TRAPPC8: variants seen among roughly 807,000 people sequenced by gnomAD.
The protein encoded by TRAPPC8 is general sporulation gene 1 homolog.
A neutral mutation model predicts 174.3 loss-of-function variants in TRAPPC8; 54 were observed. That is an observed-to-expected ratio of 0.31 (90% CI 0.25 to 0.39). The LOEUF is 0.39. Among genes scored for constraint, TRAPPC8 ranks in the 10% least tolerant of loss-of-function variants. The pLI is 1.00. For synonymous variants in TRAPPC8, 630 were observed against 579.9 expected, an observed-to-expected ratio of 1.09 and a Z score of -1.24; for missense variants, 1,531 against 1,699.1, an observed-to-expected ratio of 0.90 and a Z score of 1.74.
intron 12 of TRAPPC8, among the ~76,000 whole-genome samples, chr18:31,885,003 G>A (rs1174470380): frequency 5.3e-5 from 8 of 151,662 alleles, no homozygotes; most frequent in Non-Finnish European, 7.4e-5. Context: ...ATAGGCACCC[G>A]CCACCACGCC....
chr18:31,937,148 A>G (rs2038141689), intron 1 of TRAPPC8, among the ~76,000 whole-genome samples: 1 of 152,100 alleles, frequency 6.6e-6, no homozygotes, highest in African/African-American at 2.4e-5. Flanking sequence ...CAGGAGGCGG[A>G]GCTTGCAGTG....
chr18:31,857,518 T>G (rs773973277), intron 20 of TRAPPC8, 22 bp downstream of exon 20: 4 of 1,531,970 alleles, frequency 2.6e-6, no homozygotes, highest in African/African-American at 2.8e-5. Context: ...ATGTTAAATT[T>G]TATAAGTTTT....
intron 26 of TRAPPC8, among the ~76,000 whole-genome samples, chr18:31,839,710 T>G (rs1056097591): frequency 6.6e-6 from 1 of 152,210 alleles, no homozygotes; most frequent in Non-Finnish European, 1.5e-5. Context: ...TAGCTTTACA[T>G]ATTAGCTCTG....
intron 2 of TRAPPC8, among the ~76,000 whole-genome samples, chr18:31,930,596 G>GA (rs1839254145): frequency 6.6e-6 from 1 of 151,910 alleles, no homozygotes; most frequent in South Asian, 2.1e-4. Flanking sequence ...TTTAATATTG[G>GA]AAAACAGTTA....
intron 1 of TRAPPC8, among the ~76,000 whole-genome samples, chr18:31,939,144 G>GC (rs76730864): frequency 0.26 from 38,363 of 147,536 alleles, 5,450 homozygotes; most frequent in South Asian, 0.52. Flanking sequence ...ACAAAAAGTA[G>GC]CTGTTCTAGG....
At chr18:31,939,390 T>C (rs1010480495) in intron 1 of TRAPPC8, 2 of 152,226 alleles carry the variant, frequency 1.3e-5, no homozygotes, top group Non-Finnish European at 1.5e-5. Context: ...CATTTACCAT[T>C]AGACATAAAA....
At chr18:31,902,842 T>G (rs976983360) in intron 9 of TRAPPC8, among the ~76,000 whole-genome samples, 57 of 151,992 alleles carry the variant, frequency 3.8e-4, no homozygotes, top group Admixed American at 9.8e-4. Context: ...GATGTCAGGA[T>G]ATCGAGACCA....
intron 20 of TRAPPC8, 75 bp downstream of exon 20, chr18:31,857,465 A>G: frequency 1.7e-6 from 2 of 1,204,754 alleles, no homozygotes; most frequent in Non-Finnish European, 1.1e-6. Context: ...GTTAGTAAAT[A>G]TCAAAATGTT....
chr18:31,916,587 C>G, intron 3 of TRAPPC8, 141 bp from the exon 4 acceptor site: 1 of 799,824 alleles, frequency 1.3e-6, no homozygotes, highest in Non-Finnish European at 1.8e-6. Context: ...GGCTGGAGAG[C>G]AGTGGCGTGA....
At chr18:31,935,205 G>A (rs560862679) in intron 1 of TRAPPC8, among the ~76,000 whole-genome samples, 7 of 151,370 alleles carry the variant, frequency 4.6e-5, no homozygotes, top group South Asian at 2.1e-4. Flanking sequence ...TTAGCCAGGC[G>A]TGGTGGCGCA....
chr18:31,913,893 C>T lies in TRAPPC8; in HGVS notation c.618-371G>A, dbSNP rs531508658. On this transcript the variant is annotated intron_variant, in intron 4 of 28. Transcript: ENST00000283351. ...ACAGGAAACAAAACAAGTGTTTTGA[C>T]TCAGCGTGGTGGCCATAATCCCAGC... Among the ~76,000 whole-genome samples the T allele has an allele frequency of 7.2e-5, 11 of 152,170 alleles. No individual in the cohort carries two copies. The South Asian group carries it at 2.3e-3, about 32-fold the overall frequency.
chr18:31,925,367 G>C (rs571572245), intron 2 of TRAPPC8, among the ~76,000 whole-genome samples: 1 of 151,638 alleles, frequency 6.6e-6, no homozygotes, highest in African/African-American at 2.4e-5. Flanking sequence ...AAAATCTAGA[G>C]AAGAAAATAG....
intron 28 of TRAPPC8, 51 bp from the exon 29 acceptor site, chr18:31,831,040 T>C (rs754416790): frequency 2.0e-5 from 30 of 1,517,558 alleles, no homozygotes; most frequent in African/African-American, 2.8e-5. Context: ...TTTTAATTTT[T>C]TTCCCAAAGT....
chr18:31,936,145 A>G (rs2038087813), intron 1 of TRAPPC8, among the ~76,000 whole-genome samples: 1 of 152,012 alleles, frequency 6.6e-6, no homozygotes, highest in African/African-American at 2.4e-5. Flanking sequence ...TACTTTATAC[A>G]TATAAAACTT....
chr18:31,897,656 T>C (rs1256711775), intron 11 of TRAPPC8, 130 bp downstream of exon 11: 1 of 561,878 alleles, frequency 1.8e-6, no homozygotes. Flanking sequence ...AATAGCCATG[T>C]TGTAAATTCC....
In TRAPPC8 at chr18:31,901,028, A is replaced by T; in HGVS notation, c.1390-3T>A. The T allele has an allele frequency of 1.3e-6, 2 of 1,582,426 alleles. No individual in the cohort carries two copies. Among genetic ancestry groups the T allele is most frequent in the Non-Finnish European group, 1.7e-6 (2 of 1,170,550 alleles). On this transcript the variant is annotated splice_region_variant and splice_polypyrimidine_tract_variant and intron_variant, in intron 9 of 28. Coordinates refer to ENST00000283351, the MANE Select transcript of TRAPPC8 (RefSeq NM_014939.5). Reference sequence around the variant, plus strand: ...AAAGCAGACACTGCTGCCATTTCCTAAAATAAAAGACATAGTTTACATATT... The same window carrying T: ...AAAGCAGACACTGCTGCCATTTCCTTAAATAAAAGACATAGTTTACATATT...
chr18:31,867,641 T>C (rs553935277), intron 16 of TRAPPC8, among the ~76,000 whole-genome samples, 165 bp from the exon 17 acceptor site: 18 of 152,310 alleles, frequency 1.2e-4, no homozygotes, highest in African/African-American at 4.1e-4. Flanking sequence ...TTTCCACAAC[T>C]AGAGTAGACC....
At chr18:31,901,962 C>G (rs1019618799) in intron 9 of TRAPPC8, among the ~76,000 whole-genome samples, 3 of 152,180 alleles carry the variant, frequency 2.0e-5, no homozygotes, top group Non-Finnish European at 2.9e-5. Context: ...TAGAGCTACT[C>G]ATGTTTCCCC....
intron 14 of TRAPPC8, 43 bp downstream of exon 14, chr18:31,873,387 T>C: frequency 6.8e-7 from 1 of 1,477,746 alleles, no homozygotes; most frequent in Non-Finnish European, 9.3e-7. Flanking sequence ...AAGTTTTTTT[T>C]AAATTGTCAT....
Sources: allele counts gnomAD v4.1 joint callset (sites outside exome capture counted in the v4.1 genomes callset), GRCh38; gene constraint gnomAD v4.1.1; transcripts MANE v1.5; gene names NCBI Gene and HGNC (gene_info 2026-07-23, HGNC 2026-07-21).